ST8SIA1: variants seen among roughly 807,000 people sequenced by gnomAD.
ST8SIA1 encodes ST8 alpha-N-acetyl-neuraminide alpha-2,8-sialyltransferase 1.
Under a neutral mutation model 35.9 loss-of-function variants are expected in ST8SIA1, and 16 were observed. The observed-to-expected ratio is 0.45, with a 90% CI of 0.30 to 0.68. The LOEUF is 0.68. ST8SIA1 is among the 30% of genes least tolerant of loss of function. ST8SIA1 has a pLI of 0.09. For missense variants in ST8SIA1, 383 were observed against 453.6 expected (o/e 0.84, Z 1.41); for synonymous variants, 170 against 169.6 (o/e 1.00, Z -0.02).
chr12:22,231,710 A>C (rs1865423955), intron 4 of ST8SIA1, among the ~76,000 whole-genome samples: 2 of 151,894 alleles, frequency 1.3e-5, no homozygotes, highest in Non-Finnish European at 2.9e-5. Context: ...AGTAGCTGGG[A>C]CTACAGGCAC....
At chr12:22,298,861 T>G (rs58527879) in intron 1 of ST8SIA1, among the ~76,000 whole-genome samples, 296 of 152,272 alleles carry the variant, frequency 1.9e-3, no homozygotes, top group African/African-American at 6.7e-3. Context: ...ATTGAGAGAC[T>G]TGAAAGCAAC....
rs1451233431 is a variant in ST8SIA1, at chr12:22,200,329, A to G, written c.*1223T>C. 1.3e-5 allele frequency: 2 copies of G among 152,230 alleles called. No individual in the cohort carries two copies. The highest frequency in any genetic ancestry group is 6.5e-5 in the Admixed American group (1 of 15,280). The allele number at this position is 152,230 out of a possible 1,614,324, so 9.4% of individuals were successfully genotyped here. ...CATTTGTGATTCTCCAACACTGGTTACAAATTTTTGCCATACCAGGTCATA... is the reference window on the plus strand; with the variant it reads ...CATTTGTGATTCTCCAACACTGGTTGCAAATTTTTGCCATACCAGGTCATA... On this transcript the variant is annotated 3_prime_UTR_variant, in exon 5 of 5. Transcript: ENST00000396037.
chr12:22,266,292 T>G (rs1865847672), intron 2 of ST8SIA1, among the ~76,000 whole-genome samples: 1 of 151,924 alleles, frequency 6.6e-6, no homozygotes, highest in Non-Finnish European at 1.5e-5. Flanking sequence ...ACACCGGAAT[T>G]CATTTATGCC....
intron 4 of ST8SIA1, chr12:22,223,824 C>T: frequency 1.7e-6 from 2 of 1,194,568 alleles, no homozygotes; most frequent in South Asian, 3.1e-5. Flanking sequence ...ATTATATTCC[C>T]TGCAATATCC....
intron 4 of ST8SIA1, among the ~76,000 whole-genome samples, chr12:22,236,031 C>T (rs754163969): frequency 6.6e-6 from 1 of 152,136 alleles, no homozygotes; most frequent in Admixed American, 6.6e-5. Context: ...TTTCAGGACA[C>T]GCACTCTCTG....
intron 1 of ST8SIA1, among the ~76,000 whole-genome samples, chr12:22,289,142 T>G (rs544091707): frequency 3.3e-5 from 5 of 152,288 alleles, no homozygotes; most frequent in Admixed American, 1.3e-4. Context: ...GGTTTAAGAC[T>G]ATCTTTAAAA....
chr12:22,281,134 C>T (rs576100102), intron 2 of ST8SIA1, among the ~76,000 whole-genome samples: 31 of 152,128 alleles, frequency 2.0e-4, no homozygotes, highest in African/African-American at 6.3e-4. Context: ...TGCTAAAGTC[C>T]GTAAACACTT....
intron 2 of ST8SIA1, among the ~76,000 whole-genome samples, chr12:22,264,178 G>GC (rs1352195519): frequency 6.6e-6 from 1 of 151,670 alleles, no homozygotes; most frequent in African/African-American, 2.4e-5. Flanking sequence ...TTTAATTATA[G>GC]CCCCCCTCTT....
chr12:22,227,660 A>G (rs1161610020), intron 4 of ST8SIA1, among the ~76,000 whole-genome samples: 1 of 152,240 alleles, frequency 6.6e-6, no homozygotes, highest in African/African-American at 2.4e-5. Flanking sequence ...CTTAAATAGT[A>G]GAAAAACAAA....
At chr12:22,269,734 G>A (rs900490969) in intron 2 of ST8SIA1, among the ~76,000 whole-genome samples, 8 of 152,146 alleles carry the variant, frequency 5.3e-5, no homozygotes, top group African/African-American at 1.9e-4. Context: ...AATAAAGTTT[G>A]CTTAATTGTA....
chr12:22,230,473 T>C (rs1460170739), intron 4 of ST8SIA1, among the ~76,000 whole-genome samples: 3 of 152,140 alleles, frequency 2.0e-5, no homozygotes, highest in African/African-American at 7.2e-5. Context: ...ATAAATGGAA[T>C]GATGTAAAGA....
At chr12:22,227,527 G>A (rs12812044) in intron 4 of ST8SIA1, among the ~76,000 whole-genome samples, 42,569 of 151,822 alleles carry the variant, frequency 0.28, 6,476 homozygotes, top group Middle Eastern at 0.53. Flanking sequence ...AGCCGAGATC[G>A]TGCCATTGCA....
chr12:22,286,131 A>C (rs1307504152), intron 2 of ST8SIA1, among the ~76,000 whole-genome samples: 2 of 152,176 alleles, frequency 1.3e-5, no homozygotes, highest in African/African-American at 4.8e-5. Flanking sequence ...AAGAGAGAAA[A>C]CATGTAGATG....
rs558239536 is a variant in ST8SIA1 at position 22,334,210 on chromosome 12, C to G, written c.23G>C (p.Arg8Pro). Residue 8 changes from arginine (R) to proline (P), a missense_variant, in exon 1 of 5, where the codon CGG becomes CCG. Physicochemically the swap from Arg to Pro is moderately radical, Grantham distance 103. Coordinates refer to ENST00000396037, the MANE Select transcript of ST8SIA1 (RefSeq NM_003034.4). MSPCGRA[R>P]RQTSRGAMAV... ...CATGGCCCCTCTGGACGTTTGTCGC[C>G]GGGCCCGCCCGCAGGGGCTCATCGC... The G allele has an allele frequency of 6.2e-7, 1 of 1,612,774 alleles. No homozygotes were observed. The highest frequency in any genetic ancestry group is 1.3e-5 in the African/African-American group (1 of 75,010).
chr12:22,292,023 T>C (rs902277500), intron 1 of ST8SIA1, among the ~76,000 whole-genome samples: 1 of 152,166 alleles, frequency 6.6e-6, no homozygotes, highest in African/African-American at 2.4e-5. Flanking sequence ...TTCATAGAAT[T>C]ATTTTACATA....
intron 1 of ST8SIA1, among the ~76,000 whole-genome samples, chr12:22,320,918 AAAGAAAGG>A (rs1866579421): frequency 1.1e-5 from 1 of 93,296 alleles, no homozygotes; most frequent in Non-Finnish European, 2.2e-5. Context: ...AGAAGAAAGG[AAAGAAAGG>A]AAGAAAGAAA....
chr12:22,307,496 T>C (rs1366259877), intron 1 of ST8SIA1, among the ~76,000 whole-genome samples: 1 of 152,156 alleles, frequency 6.6e-6, no homozygotes, highest in Admixed American at 6.6e-5. Context: ...CTGTTTCATC[T>C]CCAGTCTTCT....
chr12:22,208,149 A>C (rs185053324), intron 4 of ST8SIA1, among the ~76,000 whole-genome samples: 1 of 151,666 alleles, frequency 6.6e-6, no homozygotes, highest in Non-Finnish European at 1.5e-5. Context: ...AAAAAAAAAA[A>C]AAAGAAGCAA....
At chr12:22,315,415 G>C (rs911122478) in intron 1 of ST8SIA1, among the ~76,000 whole-genome samples, 22 of 152,208 alleles carry the variant, frequency 1.4e-4, no homozygotes, top group Middle Eastern at 3.4e-3. Flanking sequence ...AGAAAATATA[G>C]CAAAATTAAC....
Sources: allele counts gnomAD v4.1 joint callset (sites outside exome capture counted in the v4.1 genomes callset), GRCh38; gene constraint gnomAD v4.1.1; transcripts MANE v1.5; gene names NCBI Gene and HGNC (gene_info 2026-07-23, HGNC 2026-07-21).